The following INPP4B variants were observed in gnomAD, a reference collection of about 807,000 sequenced individuals.
INPP4B encodes the protein inositol polyphosphate-4-phosphatase type II B, also known as inositol polyphosphate 4-phosphatase type II.
INPP4B carries 55 observed loss-of-function variants against 122.5 expected under a neutral mutation model. That is an observed-to-expected ratio of 0.45 (90% CI 0.36 to 0.56). INPP4B has a LOEUF of 0.56. Ranked by LOEUF, INPP4B falls within the 20% of genes least tolerant of loss-of-function variation. The pLI, the probability that INPP4B is intolerant of heterozygous loss-of-function variation, is 0.00. For missense variants in INPP4B, 1,000 were observed against 1,097.7 expected (o/e 0.91, Z 1.26); for synonymous variants, 403 against 388.7 (o/e 1.04, Z -0.43).
chr4:142,207,341 T>C (rs1188732298), intron 14 of INPP4B, among the ~76,000 whole-genome samples: 1 of 152,178 alleles, frequency 6.6e-6, no homozygotes, highest in East Asian at 1.9e-4. Flanking sequence ...AGCTTTACTT[T>C]TAGTTTTTTT....
rs1055508286 is a variant in INPP4B at position 142,798,758 on chromosome 4, G to A, written c.-254+47451C>T. 5.3e-5 allele frequency among the ~76,000 whole-genome samples: 8 copies of A among 151,860 alleles called. No homozygotes were observed. The Middle Eastern group carries it at 0.014, about 260-fold the overall frequency. On this transcript the variant is annotated intron_variant, in intron 1 of 25. Coordinates refer to ENST00000262992, the MANE Select transcript of INPP4B (RefSeq NM_001101669.3). ...AGAAGTAGAGAAGTAGAGATAAGCC[G>A]AAAGTTGATAAATCAATTAGTATAT...
chr4:142,797,283 A>C (rs980268322), intron 1 of INPP4B, among the ~76,000 whole-genome samples: 6 of 152,020 alleles, frequency 3.9e-5, no homozygotes, highest in Non-Finnish European at 8.8e-5. Context: ...GTGTTCTAAA[A>C]TCTCTATTCT....
intron 3 of INPP4B, among the ~76,000 whole-genome samples, chr4:142,441,164 A>G (rs1298340162): frequency 2.0e-5 from 3 of 152,210 alleles, no homozygotes; most frequent in Non-Finnish European, 4.4e-5. Context: ...AATCCACTAC[A>G]GTGTCAAAAA....
chr4:142,320,020 G>C lies in INPP4B; in HGVS notation c.373-5258C>G, dbSNP rs72941140. On this transcript the variant is annotated intron_variant, in intron 7 of 25. Transcript: ENST00000262992. ...TCACTGGAGAAAAATGTGCTTCAAAGCTCCCTCAGGCTGTTCTCAGAATTT... is the reference window on the plus strand; with the variant it reads ...TCACTGGAGAAAAATGTGCTTCAAACCTCCCTCAGGCTGTTCTCAGAATTT... Among the ~76,000 whole-genome samples, 740 of 152,250 alleles carry C rather than the reference G, an allele frequency of 4.9e-3. 3 individuals carry two copies. Among genetic ancestry groups the C allele is most frequent in the African/African-American group, 0.017 (712 of 41,534 alleles).
intron 3 of INPP4B, among the ~76,000 whole-genome samples, chr4:142,461,547 C>A (rs1039976263): frequency 2.0e-5 from 3 of 152,022 alleles, no homozygotes; most frequent in African/African-American, 7.2e-5. Context: ...GAAAAATCTT[C>A]AGCTGGAAAA....
At chr4:142,780,480 A>G (rs952201723) in intron 1 of INPP4B, among the ~76,000 whole-genome samples, 3 of 152,200 alleles carry the variant, frequency 2.0e-5, no homozygotes, top group African/African-American at 7.2e-5. Context: ...GCACTAAGAA[A>G]TTAAGGCATT....
chr4:142,500,922 T>C (rs1172783672), intron 2 of INPP4B, among the ~76,000 whole-genome samples: 2 of 152,050 alleles, frequency 1.3e-5, no homozygotes, highest in Non-Finnish European at 2.9e-5. Context: ...GTTTCAGTTA[T>C]ACAAGATAAA....
intron 9 of INPP4B, among the ~76,000 whole-genome samples, chr4:142,302,667 A>G (rs1438308716): frequency 1.3e-5 from 2 of 152,156 alleles, no homozygotes; most frequent in African/African-American, 4.8e-5. Flanking sequence ...TATCATTCTT[A>G]TAATATTATC....
intron 1 of INPP4B, among the ~76,000 whole-genome samples, chr4:142,788,821 T>C (rs1036458359): frequency 2.0e-5 from 3 of 152,140 alleles, no homozygotes; most frequent in Non-Finnish European, 2.9e-5. Context: ...GGCTGAGTAG[T>C]ATTCCATTGT....
intron 2 of INPP4B, among the ~76,000 whole-genome samples, chr4:142,613,759 T>C (rs1386980461): frequency 6.6e-6 from 1 of 152,196 alleles, no homozygotes; most frequent in Admixed American, 6.5e-5. Flanking sequence ...CTAGCTTCAC[T>C]TGTCATTTAA....
intron 2 of INPP4B, among the ~76,000 whole-genome samples, chr4:142,594,207 T>C (rs1738167867): frequency 6.6e-6 from 1 of 152,136 alleles, no homozygotes; most frequent in Admixed American, 6.5e-5. Flanking sequence ...GGAAATAACA[T>C]TGCACCAGAC....
intron 17 of INPP4B, among the ~76,000 whole-genome samples, chr4:142,158,175 G>C (rs1268552499): frequency 1.3e-5 from 2 of 151,992 alleles, no homozygotes; most frequent in African/African-American, 2.4e-5. Context: ...ACCTCTCTCT[G>C]TATGTCAGCT....
chr4:142,173,891 CAG>C, intron 15 of INPP4B, 82 bp from the exon 16 acceptor site: 1 of 1,071,338 alleles, frequency 9.3e-7, no homozygotes, highest in South Asian at 1.3e-5. Context: ...AAATGATAAA[CAG>C]AACTCCAAGT....
chr4:142,467,844 T>C (rs1187262023), intron 2 of INPP4B: 1 of 152,174 alleles, frequency 6.6e-6, no homozygotes, highest in Non-Finnish European at 1.5e-5. Context: ...CCGTCATGAA[T>C]GGCTTAGCAC....
chr4:142,376,622 C>T (rs115021093), intron 7 of INPP4B, among the ~76,000 whole-genome samples: 4 of 152,012 alleles, frequency 2.6e-5, no homozygotes, highest in East Asian at 3.9e-4. Flanking sequence ...TTTAAAAGGC[C>T]GCTCTTAGCC....
intron 2 of INPP4B, among the ~76,000 whole-genome samples, chr4:142,577,975 A>C (rs1051223274): frequency 6.6e-6 from 1 of 151,984 alleles, no homozygotes; most frequent in African/African-American, 2.4e-5. Flanking sequence ...ACACTCATGT[A>C]ACCATGTGAG....
intron 1 of INPP4B, among the ~76,000 whole-genome samples, chr4:142,768,853 C>A (rs1235981073): frequency 1.3e-5 from 2 of 152,048 alleles, no homozygotes; most frequent in Admixed American, 6.6e-5. Flanking sequence ...GCTACATTTG[C>A]CTTAGTTTGG....
At chr4:142,818,558 T>C (rs1010545711) in intron 1 of INPP4B, among the ~76,000 whole-genome samples, 3 of 152,182 alleles carry the variant, frequency 2.0e-5, no homozygotes, top group African/African-American at 7.2e-5. Flanking sequence ...AAAATCTTTA[T>C]TATAAACATT....
chr4:142,400,634 A>T (rs1381736025), intron 7 of INPP4B, among the ~76,000 whole-genome samples: 1 of 152,206 alleles, frequency 6.6e-6, no homozygotes, highest in African/African-American at 2.4e-5. Flanking sequence ...GGAAGAGGTT[A>T]TGCCTTAATC....
Sources: allele counts gnomAD v4.1 joint callset (sites outside exome capture counted in the v4.1 genomes callset), GRCh38; gene constraint gnomAD v4.1.1; transcripts MANE v1.5; gene names NCBI Gene and HGNC (gene_info 2026-07-23, HGNC 2026-07-21).